Variants in NBEA observed in about 807,000 individuals in gnomAD.
NBEA encodes the protein lysosomal-trafficking regulator 2.
A neutral mutation model predicts 343.4 loss-of-function variants in NBEA; 44 were observed. The ratio of observed to expected loss-of-function variants is 0.13; its 90% CI spans 0.10 to 0.16. The LOEUF (loss-of-function observed/expected upper bound fraction) is 0.16, where lower values mean the gene tolerates loss of function less well. NBEA is among the 10% of genes least tolerant of loss of function. The pLI, the probability that NBEA is intolerant of heterozygous loss-of-function variation, is 1.00. For missense variants in NBEA, 2,555 were observed against 3,631.3 expected (o/e 0.70, Z 7.62); for synonymous variants, 1,175 against 1,238.7 (o/e 0.95, Z 1.08).
At chr13:35,178,680 A>C (rs769401560) in intron 28 of NBEA, among the ~76,000 whole-genome samples, 217 of 151,692 alleles carry the variant, frequency 1.4e-3, no homozygotes, top group Non-Finnish European at 2.5e-3. Flanking sequence ...TTGTAGTTTT[A>C]AATTTTTTAT....
At position 35,286,258 on chromosome 13, in the gene NBEA, A is replaced by C. The variant is rs796149332; in HGVS notation, c.5777-4131A>C. Among the ~76,000 whole-genome samples, 64 of 152,198 alleles carry C rather than the reference A, an allele frequency of 4.2e-4. 1 individual carries two copies. The highest frequency in any genetic ancestry group is 1.4e-3 in the African/African-American group (59 of 41,540). ...AATGAATTGGGATCTTATTCTAAAA[A>C]ATGATGTTCTTATTTTTGCTCAAAA... On this transcript the variant is annotated intron_variant, in intron 34 of 58. Transcript: ENST00000379939.
chr13:35,340,848 A>G (rs2039548106), intron 36 of NBEA, among the ~76,000 whole-genome samples: 1 of 152,058 alleles, frequency 6.6e-6, no homozygotes, highest in Admixed American at 6.6e-5. Flanking sequence ...TATAAGGTCA[A>G]TGCACTCTAT....
intron 34 of NBEA, among the ~76,000 whole-genome samples, chr13:35,288,522 T>C (rs1566570995): frequency 6.6e-6 from 1 of 151,970 alleles, no homozygotes; most frequent in Non-Finnish European, 1.5e-5. Context: ...TGTCAATTTT[T>C]TGCCATTCCT....
At chr13:35,496,244 C>G (rs1197767525) in intron 41 of NBEA, among the ~76,000 whole-genome samples, 1 of 151,956 alleles carries the variant, frequency 6.6e-6, no homozygotes, top group Non-Finnish European at 1.5e-5. Flanking sequence ...CTCAGCCTCC[C>G]AAGTAGTTGA....
At chr13:35,547,360 C>T (rs1441469852) in intron 41 of NBEA, among the ~76,000 whole-genome samples, 1 of 152,156 alleles carries the variant, frequency 6.6e-6, no homozygotes, top group Non-Finnish European at 1.5e-5. Context: ...TTAAGCTTTA[C>T]TGATCTTAGG....
chr13:35,273,364 G>T (rs1402272021), intron 34 of NBEA, among the ~76,000 whole-genome samples: 1 of 152,086 alleles, frequency 6.6e-6, no homozygotes, highest in Non-Finnish European at 1.5e-5. Context: ...GTGTGTAGAG[G>T]GAAATTTATA....
rs141524629 is a variant in NBEA, at chr13:35,181,742, T to C, written c.4663-618T>C. Among the ~76,000 whole-genome samples, 4 of 151,988 alleles carry C rather than the reference T, an allele frequency of 2.6e-5. No homozygotes were observed. The East Asian group carries it at 5.8e-4, about 22-fold the overall frequency. On this transcript the variant is annotated intron_variant, in intron 28 of 58. Transcript: ENST00000379939. Reference sequence around the variant, plus strand: ...GTCATGAAATCTTTGCCTAAGCCAATGTCTAGAAGGGTTTGTCAAATGTTA... The same window carrying C: ...GTCATGAAATCTTTGCCTAAGCCAACGTCTAGAAGGGTTTGTCAAATGTTA...
intron 58 of NBEA, 120 bp downstream of exon 58, chr13:35,668,639 G>A: frequency 9.8e-7 from 1 of 1,020,396 alleles, no homozygotes; most frequent in Non-Finnish European, 1.3e-6. Flanking sequence ...AGAAAGACTG[G>A]CAAAGAAAAG....
chr13:35,030,996 ATG>A (rs763254807), intron 1 of NBEA, among the ~76,000 whole-genome samples: 85 of 151,738 alleles, frequency 5.6e-4, no homozygotes, highest in Non-Finnish European at 7.7e-4. Context: ...CTATTTACAT[ATG>A]TAATTATTTG....
At chr13:35,007,583 C>G (rs1436572284) in intron 1 of NBEA, among the ~76,000 whole-genome samples, 1 of 152,076 alleles carries the variant, frequency 6.6e-6, no homozygotes, top group Non-Finnish European at 1.5e-5. Flanking sequence ...GCTTGACCTC[C>G]CAGGCTCAAG....
intron 34 of NBEA, among the ~76,000 whole-genome samples, chr13:35,279,716 A>G (rs941097785): frequency 6.6e-6 from 1 of 152,136 alleles, no homozygotes; most frequent in Non-Finnish European, 1.5e-5. Context: ...GGGCATGTCA[A>G]CTTTGACCAT....
At position 35,116,932 on chromosome 13, in the gene NBEA, G is replaced by A. The variant is rs553011953; in HGVS notation, c.2003-482G>A. Among the ~76,000 whole-genome samples, 5 of 151,240 alleles carry A rather than the reference G, an allele frequency of 3.3e-5. 1 individual carries two copies. The South Asian group carries it at 1.0e-3, about 31-fold the overall frequency. On this transcript the variant is annotated intron_variant, in intron 13 of 58. Transcript: ENST00000379939. Reference sequence around the variant, plus strand: ...TATAATATGTATTTTCTGTATACAAGTGACATAGAAGAAATAGGCTGCAAA... The same window carrying A: ...TATAATATGTATTTTCTGTATACAAATGACATAGAAGAAATAGGCTGCAAA...
At position 35,173,625 on chromosome 13, in the gene NBEA, A is replaced by G. The variant is rs189732143; in HGVS notation, c.4554+31A>G. 8 of 1,579,982 alleles carry G rather than the reference A, an allele frequency of 5.1e-6. No individual in the cohort carries two copies. The African/African-American group carries it at 9.5e-5, about 19-fold the overall frequency. On this transcript the variant is annotated intron_variant, in intron 27 of 58. Transcript: ENST00000379939. ...TAAACTTTTTTTCTTGGCCAAATAT[A>G]ATTTACCTGAAAAAAATCTTTTTTA... is the stretch of plus-strand genomic sequence containing the variant.
intron 33 of NBEA, 109 bp downstream of exon 33, chr13:35,211,288 T>C: frequency 1.0e-6 from 1 of 955,084 alleles, no homozygotes; most frequent in Non-Finnish European, 1.5e-6. Flanking sequence ...GTTAATTATT[T>C]TGTGATTACA....
chr13:35,220,598 T>C (rs1593804234), intron 33 of NBEA, among the ~76,000 whole-genome samples: 1 of 152,168 alleles, frequency 6.6e-6, no homozygotes, highest in Non-Finnish European at 1.5e-5. Flanking sequence ...CCTAGTCATA[T>C]TGTTTCTGTT....
chr13:34,963,477 T>TGCAG (rs1279210226), intron 1 of NBEA, among the ~76,000 whole-genome samples: 11 of 152,010 alleles, frequency 7.2e-5, no homozygotes, highest in South Asian at 2.1e-4. Context: ...AATGTTGAAG[T>TGCAG]CCTCACCTTT....
intron 36 of NBEA, among the ~76,000 whole-genome samples, chr13:35,323,720 A>G (rs914094726): frequency 3.3e-5 from 5 of 151,768 alleles, no homozygotes; most frequent in Admixed American, 3.3e-4. Flanking sequence ...ATAATAATAA[A>G]TAAATAAATA....
At chr13:34,995,614 CA>C (rs543053769) in intron 1 of NBEA, among the ~76,000 whole-genome samples, 3 of 149,478 alleles carry the variant, frequency 2.0e-5, no homozygotes, top group South Asian at 4.3e-4. Flanking sequence ...CAGAGTGGGA[CA>C]AAAAAAAACA....
intron 28 of NBEA, among the ~76,000 whole-genome samples, chr13:35,179,050 A>G (rs1411729319): frequency 6.6e-6 from 1 of 151,638 alleles, no homozygotes; most frequent in East Asian, 1.9e-4. Flanking sequence ...TATATGGTAA[A>G]TGATGATCAT....
Sources: allele counts gnomAD v4.1 joint callset (sites outside exome capture counted in the v4.1 genomes callset), GRCh38; gene constraint gnomAD v4.1.1; transcripts MANE v1.5; gene names NCBI Gene and HGNC (gene_info 2026-07-23, HGNC 2026-07-21).